Variants in ZNF780A observed in about 807,000 individuals in gnomAD.
ZNF780A encodes zinc finger protein 780A.
Under a neutral mutation model 56.7 loss-of-function variants are expected in ZNF780A, and 40 were observed. That is an observed-to-expected ratio of 0.71 (90% CI 0.55 to 0.92). The LOEUF (loss-of-function observed/expected upper bound fraction) is 0.92, where lower values mean the gene tolerates loss of function less well. Among genes scored for constraint, ZNF780A ranks in the 40% least tolerant of loss-of-function variants. The pLI is 0.00. For synonymous variants in ZNF780A, 231 were observed against 248.3 expected, an observed-to-expected ratio of 0.93 and a Z score of 0.66; for missense variants, 672 against 783.3, an observed-to-expected ratio of 0.86 and a Z score of 1.70.
chr19:40,086,819 C>T (rs1974825764), intron 2 of ZNF780A, among the ~76,000 whole-genome samples: 1 of 152,092 alleles, frequency 6.6e-6, no homozygotes, highest in African/African-American at 2.4e-5. Context: ...TCTCCTGCCT[C>T]AGCCTCCTGA....
At chr19:40,089,332 C>A in intron 2 of ZNF780A, 1 of 1,331,590 alleles carries the variant, frequency 7.5e-7, no homozygotes, top group Non-Finnish European at 9.8e-7. Context: ...GAATTTCTGT[C>A]CTAGATCATT....
At position 40,086,526 on chromosome 19, in the gene ZNF780A, C is replaced by G. The variant is rs562762784; in HGVS notation, c.-45-1728G>C. Among the ~76,000 whole-genome samples the G allele has an allele frequency of 6.6e-5, 10 of 150,964 alleles. No homozygotes were observed. The South Asian group carries it at 1.9e-3, about 28-fold the overall frequency. Reference sequence around the variant, plus strand: ...AATGCAGATAAGTGGCATTTGCAAACTATGTGAGAAAATTTGTGAAATATA... The same window carrying G: ...AATGCAGATAAGTGGCATTTGCAAAGTATGTGAGAAAATTTGTGAAATATA... On this transcript the variant is annotated intron_variant, in intron 2 of 5. Coordinates refer to ENST00000683561, the MANE Select transcript of ZNF780A (RefSeq NM_001142578.2).
chr19:40,088,219 G>T (rs979619601), intron 2 of ZNF780A, among the ~76,000 whole-genome samples: 2 of 152,052 alleles, frequency 1.3e-5, no homozygotes, highest in African/African-American at 4.8e-5. Context: ...TCAACAAAGT[G>T]AAGAGACATC....
chr19:40,072,611 T>C (rs546441087), downstream of ZNF780A: 8 of 475,648 alleles, frequency 1.7e-5, no homozygotes, highest in African/African-American at 1.6e-4. Context: ...CCCCTCCCTT[T>C]GTATGGGAGC....
Position 40,073,962 on chromosome 19 carries a change from T to C in ZNF780A, c.*554A>G, listed in dbSNP as rs968209537. The C allele has an allele frequency of 9.5e-6, 10 of 1,050,764 alleles. No homozygotes were observed. In the African/African-American group the frequency reaches 1.7e-4, roughly 18 times the overall value. The allele number at this position is 1,050,764 out of a possible 1,614,324, so 65.1% of individuals were successfully genotyped here. On this transcript the variant is annotated 3_prime_UTR_variant, in exon 6 of 6. Transcript: ENST00000683561. ...TTTCTCACCAGTATGAATTTTAACA[T>C]GTTGAACAATGTTTGAGCTACAACT... is the stretch of plus-strand genomic sequence containing the variant.
chr19:40,088,343 G>T lies in ZNF780A; in HGVS notation c.-46+1823C>A, dbSNP rs1974936058. Among the ~76,000 whole-genome samples, 3 of 152,026 alleles carry T rather than the reference G, an allele frequency of 2.0e-5. No individual in the cohort carries two copies. The South Asian group carries it at 6.2e-4, about 31-fold the overall frequency. On this transcript the variant is annotated intron_variant, in intron 2 of 5. Transcript: ENST00000683561. ...AAAAAAAAACCTGATTAAAAGATGG[G>T]CAAAGGACCTGAACAGGCACATCCC... is the stretch of plus-strand genomic sequence containing the variant.
chr19:40,075,906 T>G lies in ZNF780A; in HGVS notation c.536A>C (p.Asn179Thr). Residue 179 changes from asparagine to threonine, a missense_variant, in exon 6 of 6, where the codon AAT (asparagine) becomes ACT (threonine). Physicochemically the swap from Asn to Thr is moderately conservative, Grantham distance 65. Coordinates refer to ENST00000683561, the MANE Select transcript of ZNF780A (RefSeq NM_001142578.2). ...ATGAATACTCTGATGCTGAATAAGA[T>G]TTGCACTACGACTAAAGTATTTCCC... ...ECGKYFSRSA[N>T]LIQHQSIHTG... 6.2e-7 allele frequency: 1 copy of G among 1,614,148 alleles called. No homozygotes were observed. Among genetic ancestry groups the G allele is most frequent in the Non-Finnish European group, 8.5e-7 (1 of 1,179,998 alleles).
At chr19:40,073,033 T>A, downstream of ZNF780A, 1 of 1,497,242 alleles carries the variant, frequency 6.7e-7, no homozygotes, top group Non-Finnish European at 8.9e-7. Flanking sequence ...ACGGTAATTA[T>A]GGTACAATGG....
rs527297826 is a variant in ZNF780A, at chr19:40,074,152, T to C, written c.*364A>G. 7.4e-7 allele frequency: 1 copy of C among 1,343,086 alleles called. No homozygotes were observed. Among genetic ancestry groups the C allele is most frequent in the East Asian group, 3.8e-5 (1 of 26,320 alleles). 83.2% of individuals were successfully genotyped at this position (1,343,086 alleles called of 1,614,324 possible). On this transcript the variant is annotated 3_prime_UTR_variant, in exon 6 of 6. Coordinates refer to ENST00000683561, the MANE Select transcript of ZNF780A (RefSeq NM_001142578.2). The stretch of plus-strand genomic sequence containing the variant: ...TGATGTTGAACAAGGTTTGAGCCAC[T>C]ATTGAAGGCCTTCCCACATTTCTCA...
In ZNF780A at chr19:40,073,058, C is replaced by A; in HGVS notation, c.*1458G>T. The A allele has an allele frequency of 7.1e-7, 1 of 1,411,384 alleles. No individual in the cohort carries two copies. Among genetic ancestry groups the A allele is most frequent in the Non-Finnish European group, 9.2e-7 (1 of 1,083,780 alleles). 87.4% of individuals were successfully genotyped at this position (1,411,384 alleles called of 1,614,324 possible). ...TGGTACAATGGCTATATGATATTGT[C>A]TATATTGTCTTCATGTTTGGTTGAT... On this transcript the variant is annotated 3_prime_UTR_variant, in exon 6 of 6. Coordinates refer to ENST00000683561, the MANE Select transcript of ZNF780A (RefSeq NM_001142578.2).
downstream of ZNF780A, chr19:40,072,385 G>A (rs778485547): frequency 6.5e-6 from 1 of 153,680 alleles, no homozygotes; most frequent in Admixed American, 6.5e-5. Context: ...AAGCCTAGAT[G>A]GGAAGTTGAC....
intron 5 of ZNF780A, among the ~76,000 whole-genome samples, chr19:40,081,532 TAA>T (rs879347603): frequency 2.3e-5 from 3 of 129,392 alleles, no homozygotes; most frequent in African/African-American, 2.9e-5. Flanking sequence ...GATTCCACCT[TAA>T]AAAAAAAAAA....
intron 2 of ZNF780A, among the ~76,000 whole-genome samples, chr19:40,087,061 T>G (rs1234364418): frequency 6.6e-6 from 1 of 152,174 alleles, no homozygotes; most frequent in African/African-American, 2.4e-5. Flanking sequence ...TAATGATATA[T>G]CAAATATTTT....
chr19:40,072,653 CAAAAA>C (rs200980070), downstream of ZNF780A: 260 of 560,128 alleles, frequency 4.6e-4, no homozygotes, highest in Middle Eastern at 5.6e-4. Context: ...CTTGCAACTG[CAAAAA>C]AAAAAAAAAA....
Position 40,075,405 on chromosome 19 carries a change from G to C in ZNF780A, c.1037C>G (p.Thr346Arg). 2 of 1,613,898 alleles carry C rather than the reference G, an allele frequency of 1.2e-6. No homozygotes were observed. Among genetic ancestry groups the C allele is most frequent in the Non-Finnish European group, 1.7e-6 (2 of 1,179,998 alleles). ...AATCTTCTGATGTCGAACAAGCTTT[G>C]TCAGAAGAGTAAACGCCTTTCCACA... is the stretch of plus-strand genomic sequence containing the variant. ...KECGKAFTLLTKLVRHQKIHT... is the reference protein window; with the variant it reads ...KECGKAFTLLRKLVRHQKIHT... The change falls in exon 6 of 6, where the codon ACA becomes AGA. Residue 346 changes from threonine (T) to arginine (R), a missense_variant. Thr to Arg is a moderately conservative substitution (Grantham distance 71). Coordinates refer to ENST00000683561, the MANE Select transcript of ZNF780A (RefSeq NM_001142578.2).
chr19:40,085,740 T>A (rs1257732314), intron 2 of ZNF780A, among the ~76,000 whole-genome samples: 1 of 151,662 alleles, frequency 6.6e-6, no homozygotes, highest in Non-Finnish European at 1.5e-5. Flanking sequence ...ATTAGCTGGG[T>A]GTGGTGGTGC....
rs1024125151 is a variant in ZNF780A at position 40,073,214 on chromosome 19, T to C, written c.*1302A>G. 4.9e-6 allele frequency: 3 copies of C among 607,006 alleles called. No homozygotes were observed. The highest frequency in any genetic ancestry group is 4.9e-5 in the East Asian group (1 of 20,422). 37.6% of individuals were successfully genotyped at this position (607,006 alleles called of 1,614,324 possible). A position where few individuals can be genotyped will look rare whatever the true frequency, so the allele number is the denominator to read the frequency against. On this transcript the variant is annotated 3_prime_UTR_variant, in exon 6 of 6. Coordinates refer to ENST00000683561, the MANE Select transcript of ZNF780A (RefSeq NM_001142578.2). ...GAATCTAGGTTGGGGTATATGATTG[T>C]ATATTTGACTATTCTTTCAAAACCC...
chr19:40,083,120 T>G lies in ZNF780A; in HGVS notation c.127A>C (p.Ile43Leu), dbSNP rs748086991. 2 of 1,614,118 alleles carry G rather than the reference T, an allele frequency of 1.2e-6. No homozygotes were observed. Among genetic ancestry groups the G allele is most frequent in the Non-Finnish European group, 1.7e-6 (2 of 1,180,008 alleles). Residue 43 changes from isoleucine to leucine, a missense_variant, in exon 4 of 6, where the codon ATC (isoleucine) becomes CTC (leucine). By Grantham distance (5) the Ile-to-Leu change is conservative. Transcript: ENST00000683561. ...GACTCAACGACCTTACCCAGTGAGATCAGGTGGCTGTAGTTCTCCAACATC... is the reference window on the plus strand; with the variant it reads ...GACTCAACGACCTTACCCAGTGAGAGCAGGTGGCTGTAGTTCTCCAACATC... ...DVMLENYSHL[I>L]SLGSSISKPD...
In ZNF780A at chr19:40,074,527, T is replaced by C; in HGVS notation, c.1915A>G (p.Lys639Glu). The C allele has an allele frequency of 6.2e-7, 1 of 1,613,858 alleles. No individual in the cohort carries two copies. Among genetic ancestry groups the C allele is most frequent in the South Asian group, 1.1e-5 (1 of 91,052 alleles). The change falls in exon 6 of 6, where the codon AAG (lysine) becomes GAG (glutamate). Residue 639 changes from lysine (K) to glutamate (E), a missense_variant. Coordinates refer to ENST00000683561, the MANE Select transcript of ZNF780A (RefSeq NM_001142578.2). ...CACATTCCTTACATTCAAGATGCCT[T>C]CTCACCTGTGTGAATGTTCTTATGG... ...NRHKNIHTGE[K>E]AS
Sources: gnomAD v4.1 joint callset for allele counts (sites outside exome capture counted in the v4.1 genomes callset) on GRCh38, gnomAD v4.1.1 for gene constraint, MANE v1.5 for transcripts, NCBI Gene and HGNC (gene_info 2026-07-23, HGNC 2026-07-21) for gene names.